ADD2: variants seen among roughly 807,000 people sequenced by gnomAD.
The protein encoded by ADD2 is adducin 2.
In ADD2, 23 loss-of-function variants were observed where a neutral mutation model predicts 83.0. That is an observed-to-expected ratio of 0.28 (90% CI 0.20 to 0.39). ADD2 has a LOEUF of 0.39. ADD2 is among the 10% of genes least tolerant of loss of function. The probability of loss-of-function intolerance (pLI) is 1.00; values close to 1 mark genes in which losing one functional copy is unlikely to be tolerated. For synonymous variants in ADD2, 375 were observed against 375.4 expected (o/e 1.00, Z 0.01); for missense variants, 758 against 944.9 (o/e 0.80, Z 2.59).
chr2:70,756,586 T>G (rs1674805235), intron 1 of ADD2, among the ~76,000 whole-genome samples: 1 of 152,162 alleles, frequency 6.6e-6, no homozygotes, highest in South Asian at 2.1e-4. Context: ...GGCTAGGAAA[T>G]AGAGTATTTT....
chr2:70,716,172 T>C (rs929013039), intron 1 of ADD2, among the ~76,000 whole-genome samples: 1 of 152,152 alleles, frequency 6.6e-6, no homozygotes, highest in African/African-American at 2.4e-5. Flanking sequence ...GCACACCCCA[T>C]GTTAACAATC....
chr2:70,722,081 T>C (rs1672754907), intron 1 of ADD2, among the ~76,000 whole-genome samples: 1 of 152,192 alleles, frequency 6.6e-6, no homozygotes, highest in African/African-American at 2.4e-5. Context: ...GCCTCACTTC[T>C]AGGACATCTC....
intron 4 of ADD2, among the ~76,000 whole-genome samples, chr2:70,698,671 T>C (rs1186130479): frequency 5.9e-5 from 9 of 152,174 alleles, no homozygotes; most frequent in Admixed American, 3.3e-4. Flanking sequence ...AAAATGTCGC[T>C]TGTACCCCAT....
chr2:70,704,773 T>C (rs1454867877), intron 3 of ADD2, among the ~76,000 whole-genome samples: 2 of 152,130 alleles, frequency 1.3e-5, no homozygotes, highest in Non-Finnish European at 2.9e-5. Flanking sequence ...GGACTTCACT[T>C]TAGTAATGAA....
intron 15 of ADD2, among the ~76,000 whole-genome samples, chr2:70,667,939 T>C (rs2104171405): frequency 6.6e-6 from 1 of 152,210 alleles, no homozygotes; most frequent in African/African-American, 2.4e-5. Flanking sequence ...TTTGAATCAG[T>C]AGTCGGAATA....
Position 70,731,713 on chromosome 2 carries a change from T to C in ADD2, c.-153-18529A>G, listed in dbSNP as rs931055820. 2.6e-5 allele frequency among the ~76,000 whole-genome samples: 4 copies of C among 152,218 alleles called. No individual in the cohort carries two copies. In the South Asian group the frequency reaches 8.3e-4, roughly 32 times the overall value. Reference sequence around the variant, plus strand: ...CTGCACAGATCTCTTGCTGGAGTTATAAATGGGCTGCTGGAGAAAAGACAA... The same window carrying C: ...CTGCACAGATCTCTTGCTGGAGTTACAAATGGGCTGCTGGAGAAAAGACAA... On this transcript the variant is annotated intron_variant, in intron 1 of 15. Transcript: ENST00000264436.
Position 70,676,733 on chromosome 2 carries a change from A to G in ADD2, c.1593+63T>C, listed in dbSNP as rs782230488. 5 of 1,609,182 alleles carry G rather than the reference A, an allele frequency of 3.1e-6. No homozygotes were observed. The South Asian group carries it at 5.5e-5, about 18-fold the overall frequency. ...CTCAGGGGTCCTGCAACCCAGCCCC[A>G]GGCACAGAAGACCCCGAAGGCAAAC... is the stretch of plus-strand genomic sequence containing the variant. On this transcript the variant is annotated intron_variant, in intron 13 of 15. Coordinates refer to ENST00000264436, the MANE Select transcript of ADD2 (RefSeq NM_001617.4). This position sits in a 1 kb window ranked among gnomAD's most constrained non-coding sequence, Gnocchi z 4.8.
At chr2:70,672,568 G>A (rs573626513) in intron 15 of ADD2, among the ~76,000 whole-genome samples, 1 of 152,306 alleles carries the variant, frequency 6.6e-6, no homozygotes, top group African/African-American at 2.4e-5. Context: ...TACACGTTAA[G>A]GTCTGAGAAA....
chr2:70,680,053 T>A (rs2104258608), intron 10 of ADD2, among the ~76,000 whole-genome samples: 1 of 152,308 alleles, frequency 6.6e-6, no homozygotes, highest in South Asian at 2.1e-4. Flanking sequence ...AATGCAAGTT[T>A]TGAATTGTTT....
chr2:70,763,884 A>G (rs1374351903), intron 1 of ADD2, among the ~76,000 whole-genome samples: 1 of 149,752 alleles, frequency 6.7e-6, no homozygotes, highest in Admixed American at 6.6e-5. Context: ...TACCCATCTC[A>G]TTTTCTTTTC....
At chr2:70,708,631 C>G (rs1293738361) in intron 2 of ADD2, among the ~76,000 whole-genome samples, 1 of 152,200 alleles carries the variant, frequency 6.6e-6, no homozygotes, top group Non-Finnish European at 1.5e-5. Flanking sequence ...AGGCCCCTCC[C>G]CTCGTTCAAA....
chr2:70,703,763 T>C (rs1671735767), intron 4 of ADD2, among the ~76,000 whole-genome samples: 1 of 152,212 alleles, frequency 6.6e-6, no homozygotes, highest in South Asian at 2.1e-4. Context: ...AAAAAAGGAC[T>C]GGAAGGATAT....
intron 1 of ADD2, among the ~76,000 whole-genome samples, chr2:70,735,858 CT>C (rs374727628): frequency 1.7e-4 from 12 of 72,510 alleles, no homozygotes; most frequent in African/African-American, 2.1e-4. Context: ...CCATGCCCGG[CT>C]TTTTTTTTTT....
intron 4 of ADD2, among the ~76,000 whole-genome samples, chr2:70,702,186 A>T (rs1185680145): frequency 1.3e-5 from 2 of 152,204 alleles, no homozygotes; most frequent in African/African-American, 4.8e-5. Flanking sequence ...TGCTTTTTTG[A>T]GATGGAATCT....
rs118015754 is a variant in ADD2, at chr2:70,747,617, T to C, written c.-154+20269A>G. 5.3e-5 allele frequency among the ~76,000 whole-genome samples: 8 copies of C among 152,180 alleles called. No individual in the cohort carries two copies. In the East Asian group the frequency reaches 1.5e-3, roughly 29 times the overall value. On this transcript the variant is annotated intron_variant, in intron 1 of 15. Coordinates refer to ENST00000264436, the MANE Select transcript of ADD2 (RefSeq NM_001617.4). ...ATATGCCTTCCTATCATGCTATGTG[T>C]TCACCCATTATGAGTCATGCTTTCC...
chr2:70,722,216 T>C (rs3771440), intron 1 of ADD2, among the ~76,000 whole-genome samples: 1 of 151,970 alleles, frequency 6.6e-6, no homozygotes, highest in Non-Finnish European at 1.5e-5. Context: ...GATAGAGGGG[T>C]AAAAATAAAA....
intron 1 of ADD2, among the ~76,000 whole-genome samples, chr2:70,726,832 G>A (rs1673028007): frequency 6.6e-6 from 1 of 152,130 alleles, no homozygotes; most frequent in South Asian, 2.1e-4. Context: ...TGTCAAGAAC[G>A]TTTTTAAAAA....
At chr2:70,728,637 G>C (rs1553378748) in intron 1 of ADD2, among the ~76,000 whole-genome samples, 10 of 152,226 alleles carry the variant, frequency 6.6e-5, no homozygotes, top group South Asian at 2.1e-4. Context: ...TTGCCCTTTT[G>C]CGAGTTATTT....
intron 4 of ADD2, among the ~76,000 whole-genome samples, chr2:70,703,232 G>C (rs1553373763): frequency 6.6e-6 from 1 of 151,970 alleles, no homozygotes; most frequent in East Asian, 1.9e-4. Flanking sequence ...GAGAGAAAGA[G>C]AAAGAGAGAG....
Sources: gnomAD v4.1 joint callset for allele counts (sites outside exome capture counted in the v4.1 genomes callset) on GRCh38, gnomAD v4.1.1 for gene constraint, Gnocchi (gnomAD v3.1) non-coding constraint, MANE v1.5 for transcripts, NCBI Gene and HGNC (gene_info 2026-07-23, HGNC 2026-07-21) for gene names.